MYO1E: variants seen among roughly 807,000 people sequenced by gnomAD.
MYO1E encodes myosin IE.
MYO1E carries 68 observed loss-of-function variants against 151.1 expected under a neutral mutation model. That is an observed-to-expected ratio of 0.45 (90% CI 0.37 to 0.55). The LOEUF (loss-of-function observed/expected upper bound fraction) is 0.55. Ranked by LOEUF, MYO1E falls within the 20% of genes least tolerant of loss-of-function variation. The probability of loss-of-function intolerance (pLI) is 0.00; values close to 1 mark genes in which losing one functional copy is unlikely to be tolerated. For synonymous variants in MYO1E, 601 were observed against 501.7 expected (o/e 1.20, Z -2.64); for missense variants, 1,363 against 1,389.3 (o/e 0.98, Z 0.30).
At chr15:59,228,685 C>A (rs770382005) in intron 6 of MYO1E, among the ~76,000 whole-genome samples, 9 of 151,792 alleles carry the variant, frequency 5.9e-5, no homozygotes, top group Non-Finnish European at 1.3e-4. Flanking sequence ...GGAGAAGATG[C>A]CCAGCCTCAT....
intron 25 of MYO1E, among the ~76,000 whole-genome samples, chr15:59,157,046 G>A (rs1466730352): frequency 6.6e-6 from 1 of 151,726 alleles, no homozygotes; most frequent in African/African-American, 2.4e-5. Flanking sequence ...AACACAGTGA[G>A]ACTCCGTGTC....
intron 14 of MYO1E, chr15:59,206,950 A>G (rs775396580): frequency 1.9e-5 from 30 of 1,612,646 alleles, no homozygotes; most frequent in Admixed American, 6.7e-5. Context: ...CATGAGTTGG[A>G]CTGTGCCTGT....
chr15:59,213,382 G>T (rs868209929), intron 12 of MYO1E, among the ~76,000 whole-genome samples: 4 of 151,872 alleles, frequency 2.6e-5, no homozygotes, highest in African/African-American at 7.3e-5. Context: ...TGTTGGCCAG[G>T]CTGGTCTCGA....
At chr15:59,352,319 C>T (rs1461291238) in intron 1 of MYO1E, among the ~76,000 whole-genome samples, 9 of 152,126 alleles carry the variant, frequency 5.9e-5, no homozygotes, top group Non-Finnish European at 4.4e-5. Context: ...TCCTGGAGGG[C>T]GGCCATCACA....
rs1022247654 is a variant in MYO1E at position 59,176,855 on chromosome 15, C to T, written c.2049+1538G>A. On this transcript the variant is annotated intron_variant, in intron 19 of 27. Coordinates refer to ENST00000288235, the MANE Select transcript of MYO1E (RefSeq NM_004998.4). Reference sequence around the variant, plus strand: ...GGGAGAGAGCGGAGGTGATGGTGTGCGTGTGTGAGTGCATGTGTCAAAGAT... The same window carrying T: ...GGGAGAGAGCGGAGGTGATGGTGTGTGTGTGTGAGTGCATGTGTCAAAGAT... 9.2e-5 allele frequency among the ~76,000 whole-genome samples: 14 copies of T among 151,956 alleles called. 1 individual carries two copies. The highest frequency in any genetic ancestry group is 2.4e-4 in the African/African-American group (10 of 41,416).
At chr15:59,268,590 G>T (rs1222590590) in intron 2 of MYO1E, among the ~76,000 whole-genome samples, 1 of 151,982 alleles carries the variant, frequency 6.6e-6, no homozygotes, top group East Asian at 1.9e-4. Flanking sequence ...GAGGCAGGAT[G>T]ATGCCATTTT....
intron 1 of MYO1E, among the ~76,000 whole-genome samples, chr15:59,353,952 T>C (rs2080839514): frequency 6.6e-6 from 1 of 152,184 alleles, no homozygotes; most frequent in Admixed American, 6.5e-5. Context: ...AATCTAGAGT[T>C]TGTGTGTACA....
chr15:59,298,247 G>A lies in MYO1E; in HGVS notation c.4-25798C>T, dbSNP rs577091342. ...ACAAATCTAGTTATTTGGTACCCTG[G>A]GGGAATGTATTAAACTCCGAAACTG... On this transcript the variant is annotated intron_variant, in intron 1 of 27. Coordinates refer to ENST00000288235, the MANE Select transcript of MYO1E (RefSeq NM_004998.4). Among the ~76,000 whole-genome samples the A allele has an allele frequency of 4.9e-4, 74 of 152,260 alleles. 1 individual carries two copies. In the South Asian group the frequency reaches 0.014, roughly 28 times the overall value.
At position 59,153,781 on chromosome 15, in the gene MYO1E, C is replaced by G; in HGVS notation, c.2889G>C (p.Gln963His). 2 of 1,613,272 alleles carry G rather than the reference C, an allele frequency of 1.2e-6. No individual in the cohort carries two copies. The highest frequency in any genetic ancestry group is 1.7e-6 in the Non-Finnish European group (2 of 1,179,248). Residue 963 changes from glutamine (Q) to histidine (H), a missense_variant, in exon 26 of 28, where the codon CAG (glutamine) becomes CAC (histidine). Coordinates refer to ENST00000288235, the MANE Select transcript of MYO1E (RefSeq NM_004998.4). ...RAAPPPPGYH[Q>H]NGVIRNQYVP... ...CATACTGGTTTCTGATGACTCCGTT[C>G]TGATGGTATCCTAGAGAGAGGAACA...
At chr15:59,311,357 G>A (rs1206801110) in intron 1 of MYO1E, among the ~76,000 whole-genome samples, 10 of 152,100 alleles carry the variant, frequency 6.6e-5, no homozygotes, top group African/African-American at 1.7e-4. Flanking sequence ...CAGGGTTCGG[G>A]CTCCTATGAG....
intron 26 of MYO1E, among the ~76,000 whole-genome samples, chr15:59,142,128 T>A (rs112898491): frequency 3.9e-5 from 6 of 152,226 alleles, no homozygotes; most frequent in African/African-American, 1.4e-4. Flanking sequence ...AATTTTTTTT[T>A]TAAGTCTGTA....
intron 1 of MYO1E, among the ~76,000 whole-genome samples, chr15:59,287,453 A>T (rs2080393898): frequency 6.6e-6 from 1 of 152,200 alleles, no homozygotes; most frequent in Non-Finnish European, 1.5e-5. Flanking sequence ...AATTTGGAAG[A>T]TCAGCACGGC....
At position 59,161,250 on chromosome 15, in the gene MYO1E, G is replaced by T; in HGVS notation, c.2628-20C>A. On this transcript the variant is annotated intron_variant, in intron 23 of 27. Coordinates refer to ENST00000288235, the MANE Select transcript of MYO1E (RefSeq NM_004998.4). ...TCAAGCCTGCAAAAAGCACAGTGGG[G>T]TTAACAGGTCGAAGGACGCAGTGAG... 1 of 1,612,668 alleles carries T rather than the reference G, an allele frequency of 6.2e-7. No homozygotes were observed. The highest frequency in any genetic ancestry group is 1.1e-5 in the South Asian group (1 of 91,028).
intron 1 of MYO1E, among the ~76,000 whole-genome samples, chr15:59,304,368 C>A (rs527876691): frequency 6.6e-6 from 1 of 152,156 alleles, no homozygotes; most frequent in Non-Finnish European, 1.5e-5. Context: ...TGGGTTCCTA[C>A]GCTACTGTTT....
intron 4 of MYO1E, among the ~76,000 whole-genome samples, chr15:59,248,366 G>C (rs1208853327): frequency 6.6e-6 from 1 of 150,724 alleles, no homozygotes; most frequent in Non-Finnish European, 1.5e-5. Context: ...GGCGCCTGTA[G>C]TCCCAGCTAC....
Position 59,288,015 on chromosome 15 carries a change from C to G in MYO1E, c.4-15566G>C, listed in dbSNP as rs1408498097. Among the ~76,000 whole-genome samples, 3 of 152,354 alleles carry G rather than the reference C, an allele frequency of 2.0e-5. No homozygotes were observed. The East Asian group carries it at 5.8e-4, about 29-fold the overall frequency. On this transcript the variant is annotated intron_variant, in intron 1 of 27. Coordinates refer to ENST00000288235, the MANE Select transcript of MYO1E (RefSeq NM_004998.4). ...GGCGCTCAGCGAGCCTGCCATGTTCCTGATGGGTTTTGAACTGCGTGGTGC... is the reference window on the plus strand; with the variant it reads ...GGCGCTCAGCGAGCCTGCCATGTTCGTGATGGGTTTTGAACTGCGTGGTGC...
intron 10 of MYO1E, among the ~76,000 whole-genome samples, chr15:59,216,707 C>CAT (rs1462569234): frequency 2.3e-5 from 2 of 86,884 alleles, no homozygotes; most frequent in Admixed American, 1.1e-4. Flanking sequence ...CACACACACA[C>CAT]ACACACACAC....
chr15:59,132,958 C>G lies in MYO1E; in HGVS notation c.*4422G>C, dbSNP rs949077374. On this transcript the variant is annotated 3_prime_UTR_variant, in exon 28 of 28. Coordinates refer to ENST00000288235, the MANE Select transcript of MYO1E (RefSeq NM_004998.4). Reference sequence around the variant, plus strand: ...AAGTTTCTAGCTGTTGAGTTTTATGCGTGAGTTTTCTTCTCTCTCTCTTTT... The same window carrying G: ...AAGTTTCTAGCTGTTGAGTTTTATGGGTGAGTTTTCTTCTCTCTCTCTTTT... 1 of 152,208 alleles carries G rather than the reference C, an allele frequency of 6.6e-6. No individual in the cohort carries two copies. Among genetic ancestry groups the G allele is most frequent in the Non-Finnish European group, 1.5e-5 (1 of 68,044 alleles). 9.4% of individuals were successfully genotyped at this position (152,208 alleles called of 1,614,324 possible).
intron 17 of MYO1E, among the ~76,000 whole-genome samples, chr15:59,190,448 C>G (rs1199276392): frequency 1.3e-5 from 2 of 152,202 alleles, no homozygotes; most frequent in Non-Finnish European, 2.9e-5. Flanking sequence ...GTAAGGCTCT[C>G]ACAAAAACCA....
Sources: gnomAD v4.1 joint callset for allele counts (sites outside exome capture counted in the v4.1 genomes callset) on GRCh38, gnomAD v4.1.1 for gene constraint, MANE v1.5 for transcripts, NCBI Gene and HGNC (gene_info 2026-07-23, HGNC 2026-07-21) for gene names.